The following CCDC197 variants were observed in gnomAD, a reference collection of about 807,000 sequenced individuals.
CCDC197 encodes the protein coiled-coil domain containing 197, also known as uncharacterized protein CCDC197.
CCDC197 carries 24 observed loss-of-function variants against 13.4 expected under a neutral mutation model. The observed-to-expected ratio is 1.80, with a 90% CI of 1.30 to 2.53. The LOEUF (loss-of-function observed/expected upper bound fraction) is 2.53, where lower values mean the gene tolerates loss of function less well. Ranked by LOEUF, CCDC197 falls within the 30% of genes most tolerant of loss-of-function variation. CCDC197 has a pLI of 0.00. For missense variants in CCDC197, 255 were observed against 148.8 expected (o/e 1.71, Z -3.71); for synonymous variants, 99 against 55.5 (o/e 1.78, Z -3.48).
chr14:94,006,469 C>G (rs1282789726), intron 6 of CCDC197, among the ~76,000 whole-genome samples: 1 of 151,756 alleles, frequency 6.6e-6, no homozygotes, highest in Non-Finnish European at 1.5e-5. Flanking sequence ...AATTGTCTTG[C>G]CTCAGCCTCC....
chr14:93,996,794 C>T (rs1890326326), upstream of CCDC197, among the ~76,000 whole-genome samples: 1 of 152,202 alleles, frequency 6.6e-6, no homozygotes, highest in Non-Finnish European at 1.5e-5. Flanking sequence ...GCCCTCCCCA[C>T]CCCACCTTCC....
At chr14:93,988,850 T>G (rs1237056278) in intron 1 of CCDC197, among the ~76,000 whole-genome samples, 22 of 57,024 alleles carry the variant, frequency 3.9e-4, no homozygotes, top group Admixed American at 6.7e-4. Flanking sequence ...GAGGAGGGGA[T>G]GGGAGGAGGG....
rs573522674 is a variant in CCDC197, at chr14:94,003,874, A to G, written c.498+520A>G. 1.3e-5 allele frequency among the ~76,000 whole-genome samples: 2 copies of G among 152,338 alleles called. No individual in the cohort carries two copies. On this transcript the variant is annotated intron_variant, in intron 5 of 6. Coordinates refer to ENST00000636493, the MANE Select transcript of CCDC197 (RefSeq NM_001351596.2). The surrounding 1 kb of genome is among the most constrained non-coding windows in gnomAD (Gnocchi z 5.0). The stretch of plus-strand genomic sequence containing the variant: ...AACCAGAGCCGGGATCCACCGGCCC[A>G]GTCCCAGGGCTTGGTGTTGTGCCGA...
intron 3 of CCDC197, chr14:94,000,870 C>T (rs535931747): frequency 8.7e-5 from 30 of 345,852 alleles, no homozygotes; most frequent in African/African-American, 1.1e-4. Flanking sequence ...GGCAGTCTCC[C>T]GCCTCGCTCG....
intron 1 of CCDC197, among the ~76,000 whole-genome samples, chr14:93,987,623 G>GC (rs1890121344): frequency 6.6e-6 from 1 of 152,168 alleles, no homozygotes; most frequent in African/African-American, 2.4e-5. Context: ...TGGGCCAGCA[G>GC]CCTGGCTCCC....
chr14:93,987,687 C>T (rs900890689), intron 1 of CCDC197, among the ~76,000 whole-genome samples: 3 of 152,140 alleles, frequency 2.0e-5, no homozygotes, highest in Non-Finnish European at 2.9e-5. Context: ...TCACCTGTGA[C>T]GCAGGAGTCA....
At chr14:93,994,064 C>T (rs1402055318), upstream of CCDC197, among the ~76,000 whole-genome samples, 3 of 152,170 alleles carry the variant, frequency 2.0e-5, no homozygotes, top group Non-Finnish European at 2.9e-5. Flanking sequence ...AGAGGAAGAG[C>T]CAGGGCGGTG....
upstream of CCDC197, among the ~76,000 whole-genome samples, chr14:93,994,985 G>C (rs373769113): frequency 1.3e-3 from 192 of 152,184 alleles, no homozygotes; most frequent in African/African-American, 4.2e-3. Context: ...AACTATTTTG[G>C]GCAAGTTACT....
chr14:93,996,383 G>A (rs1362947698), upstream of CCDC197, among the ~76,000 whole-genome samples: 5 of 152,302 alleles, frequency 3.3e-5, no homozygotes, highest in East Asian at 7.7e-4. Context: ...TTGTGAGGGG[G>A]ATGAGTCCAA....
rs59865095 is a variant in CCDC197 at position 94,001,287 on chromosome 14, G to A, written c.330G>A (p.Leu110=). The stretch of plus-strand genomic sequence containing the variant: ...TGATCCAGGCTGTCCACCGGAGCCT[G>A]GAGTCTCTGGAGGAGGACCACAGGG... The part of the protein sequence containing the change: ...CQMIQAVHRS[L]ESLEEDHRAL... Residue 110 remains leucine (L), a synonymous_variant, in exon 4 of 7, where the codon CTG becomes CTA. Transcript: ENST00000636493. The A allele has an allele frequency of 4.3e-3, 3,344 of 780,244 alleles. 76 individuals are homozygous for A. The African/African-American group carries it at 0.049, about 12-fold the overall frequency. 48.3% of individuals were successfully genotyped at this position (780,244 alleles called of 1,614,324 possible). A position where few individuals can be genotyped will look rare whatever the true frequency, so the allele number is the denominator to read the frequency against.
At chr14:93,991,072 C>T (rs1018062118) in intron 1 of CCDC197, among the ~76,000 whole-genome samples, 1 of 152,152 alleles carries the variant, frequency 6.6e-6, no homozygotes, top group African/African-American at 2.4e-5. Flanking sequence ...CTCTATCAAC[C>T]TTCATGCCAA....
intron 1 of CCDC197, among the ~76,000 whole-genome samples, chr14:93,992,155 G>A (rs965113673): frequency 5.3e-5 from 8 of 152,206 alleles, no homozygotes; most frequent in African/African-American, 1.7e-4. Context: ...CACTGGTTTT[G>A]GCAGGGAAAT....
intron 4 of CCDC197, 59 bp downstream of exon 4, chr14:94,001,382 G>A (rs1367169928): frequency 3.0e-6 from 2 of 674,694 alleles, no homozygotes; most frequent in African/African-American, 1.8e-5. Flanking sequence ...GGGGCGTGGG[G>A]CCCCCTTTCC....
chr14:94,001,573 G>A, intron 4 of CCDC197: 1 of 374,368 alleles, frequency 2.7e-6, no homozygotes, highest in Non-Finnish European at 4.8e-6. Context: ...GATGCAGAGG[G>A]ACTGGAGCTC....
At chr14:94,001,027 G>C (rs976728310) in intron 3 of CCDC197, 118 bp from the exon 4 acceptor site, 1 of 613,674 alleles carries the variant, frequency 1.6e-6, no homozygotes, top group Non-Finnish European at 3.0e-6. Flanking sequence ...TCATCCTACT[G>C]TCATGGACTG....
chr14:93,993,646 A>AG (rs1890242019), upstream of CCDC197, among the ~76,000 whole-genome samples: 1 of 152,232 alleles, frequency 6.6e-6, no homozygotes, highest in Non-Finnish European at 1.5e-5. Flanking sequence ...ATTCTGCAGA[A>AG]GGCCTGATCA....
At chr14:94,010,394 G>A (rs1265956976), downstream of CCDC197, among the ~76,000 whole-genome samples, 1 of 152,176 alleles carries the variant, frequency 6.6e-6, no homozygotes, top group Non-Finnish European at 1.5e-5. Flanking sequence ...AATAGAGATG[G>A]GGTTTCACCA....
At chr14:94,002,547 T>G (rs1890552745) in intron 4 of CCDC197, among the ~76,000 whole-genome samples, 1 of 152,096 alleles carries the variant, frequency 6.6e-6, no homozygotes, top group Non-Finnish European at 1.5e-5. Flanking sequence ...CACCTGAGAC[T>G]GGGTAATTTA....
chr14:94,001,829 G>A (rs979756693), intron 4 of CCDC197: 1 of 152,868 alleles, frequency 6.5e-6, no homozygotes, highest in Non-Finnish European at 1.5e-5. Context: ...AGCCTGCCCT[G>A]ACAAAGGCGT....
Sources: gnomAD v4.1 joint callset for allele counts (sites outside exome capture counted in the v4.1 genomes callset) on GRCh38, gnomAD v4.1.1 for gene constraint, Gnocchi (gnomAD v3.1) non-coding constraint, MANE v1.5 for transcripts, NCBI Gene and HGNC (gene_info 2026-07-23, HGNC 2026-07-21) for gene names.